CFAP61: variants seen among roughly 807,000 people sequenced by gnomAD.
The protein encoded by CFAP61 is cilia- and flagella-associated protein 61.
Under a neutral mutation model 135.6 loss-of-function variants are expected in CFAP61, and 107 were observed. That is an observed-to-expected ratio of 0.79 (90% CI 0.67 to 0.93). The LOEUF (loss-of-function observed/expected upper bound fraction) is 0.93. Ranked by LOEUF, CFAP61 falls within the 40% of genes least tolerant of loss-of-function variation. The pLI is 0.00. For synonymous variants in CFAP61, 575 were observed against 578.5 expected (o/e 0.99, Z 0.09); for missense variants, 1,507 against 1,556.2 (o/e 0.97, Z 0.53).
intron 8 of CFAP61, among the ~76,000 whole-genome samples, chr20:20,141,079 C>T (rs113893936): frequency 3.3e-5 from 5 of 151,900 alleles, no homozygotes; most frequent in African/African-American, 7.3e-5. Flanking sequence ...CCACCATGCC[C>T]GGCTATGTTT....
At chr20:20,245,965 G>A (rs1282352584) in intron 18 of CFAP61, 152 bp from the exon 19 acceptor site, 1 of 595,488 alleles carries the variant, frequency 1.7e-6, no homozygotes, top group Admixed American at 3.1e-5. Flanking sequence ...TGAAATGGTT[G>A]GTTCTATCTG....
chr20:20,319,889 G>A (rs1167805813), intron 25 of CFAP61, among the ~76,000 whole-genome samples: 3 of 152,106 alleles, frequency 2.0e-5, no homozygotes, highest in Non-Finnish European at 4.4e-5. Context: ...AGAAAAGGAG[G>A]CAGCCAGACC....
intron 8 of CFAP61, among the ~76,000 whole-genome samples, chr20:20,125,357 G>T (rs2049989144): frequency 6.6e-6 from 1 of 151,626 alleles, no homozygotes; most frequent in Non-Finnish European, 1.5e-5. Context: ...GGTGTTTAAG[G>T]CTATGAACTT....
chr20:20,084,308 A>T (rs1192260346), intron 6 of CFAP61, among the ~76,000 whole-genome samples: 2 of 152,222 alleles, frequency 1.3e-5, no homozygotes, highest in African/African-American at 2.4e-5. Flanking sequence ...TACATTTTAA[A>T]GTCCAGCTTT....
At chr20:20,269,164 C>CACACACACATATAT (rs372986717) in intron 21 of CFAP61, among the ~76,000 whole-genome samples, 1 of 112,548 alleles carries the variant, frequency 8.9e-6, no homozygotes, top group East Asian at 2.1e-4. Context: ...CACACACACA[C>CACACACACATATAT]ATACATATAT....
intron 8 of CFAP61, among the ~76,000 whole-genome samples, chr20:20,128,211 C>T (rs1220828296): frequency 6.6e-6 from 1 of 151,704 alleles, no homozygotes; most frequent in African/African-American, 2.4e-5. Flanking sequence ...GGCTTCTCAC[C>T]ACCAGTTCAA....
At chr20:20,332,409 G>A (rs1022482915) in intron 25 of CFAP61, among the ~76,000 whole-genome samples, 7 of 152,174 alleles carry the variant, frequency 4.6e-5, no homozygotes, top group African/African-American at 9.7e-5. Flanking sequence ...TAATTCCGGG[G>A]CCACTTTTCC....
intron 17 of CFAP61, among the ~76,000 whole-genome samples, chr20:20,206,784 C>T (rs1440977040): frequency 1.3e-5 from 2 of 151,562 alleles, no homozygotes; most frequent in Non-Finnish European, 2.9e-5. Context: ...ATTTGGGGGG[C>T]GGTGTCTATA....
At chr20:20,312,879 A>AC (rs766506126) in intron 25 of CFAP61, among the ~76,000 whole-genome samples, 62 of 151,940 alleles carry the variant, frequency 4.1e-4, no homozygotes, top group African/African-American at 1.3e-3. Flanking sequence ...AACATGGCAT[A>AC]CCCCCCCATA....
chr20:20,193,794 A>G (rs1009236755), intron 15 of CFAP61, among the ~76,000 whole-genome samples: 1 of 152,038 alleles, frequency 6.6e-6, no homozygotes, highest in African/African-American at 2.4e-5. Flanking sequence ...TTGTATTTTT[A>G]GTAGAGATGG....
At chr20:20,358,362 A>G (rs1481414391) in intron 26 of CFAP61, among the ~76,000 whole-genome samples, 3 of 152,200 alleles carry the variant, frequency 2.0e-5, no homozygotes, top group Non-Finnish European at 4.4e-5. Flanking sequence ...TTTATAATCT[A>G]GAGCAATATT....
chr20:20,120,470 C>T (rs897742899), intron 8 of CFAP61, among the ~76,000 whole-genome samples: 1 of 151,950 alleles, frequency 6.6e-6, no homozygotes, highest in Non-Finnish European at 1.5e-5. Flanking sequence ...TAGTTTTATT[C>T]CATTGTGGTC....
chr20:20,119,945 A>T (rs1189274790), intron 8 of CFAP61, among the ~76,000 whole-genome samples: 1 of 152,164 alleles, frequency 6.6e-6, no homozygotes, highest in Non-Finnish European at 1.5e-5. Context: ...ATCCAGCTCC[A>T]TGTTCCTGCA....
chr20:20,342,953 C>G (rs1423488022), intron 26 of CFAP61, among the ~76,000 whole-genome samples: 1 of 151,908 alleles, frequency 6.6e-6, no homozygotes, highest in African/African-American at 2.4e-5. Context: ...CTCTGCCTCT[C>G]AGGTTCAAGC....
intron 2 of CFAP61, among the ~76,000 whole-genome samples, chr20:20,061,722 A>G (rs561626381): frequency 6.6e-6 from 1 of 152,324 alleles, no homozygotes; most frequent in African/African-American, 2.4e-5. Context: ...TGTGTTCCCC[A>G]TGCCTTTTTG....
chr20:20,098,815 G>T lies in CFAP61; in HGVS notation c.859+1G>T. The T allele has an allele frequency of 1.2e-6, 2 of 1,609,400 alleles. No individual in the cohort carries two copies. Among genetic ancestry groups the T allele is most frequent in the Non-Finnish European group, 1.7e-6 (2 of 1,178,378 alleles). ...GACCTAAGTGTCCGAAGAAGTCAAG[G>T]TACAGTGGCTATCACAGGGACACAC... is the stretch of plus-strand genomic sequence containing the variant. On this transcript the variant is annotated splice_donor_variant, in intron 8 of 26. Coordinates refer to ENST00000245957, the MANE Select transcript of CFAP61 (RefSeq NM_015585.4). LOFTEE classifies it high-confidence loss of function.
At chr20:20,126,569 TCTG>T (rs2050080861) in intron 8 of CFAP61, among the ~76,000 whole-genome samples, 1 of 151,948 alleles carries the variant, frequency 6.6e-6, no homozygotes, top group African/African-American at 2.4e-5. Context: ...TTATAGGGTT[TCTG>T]CTGAGAAATC....
chr20:20,143,902 T>C (rs989188689), intron 9 of CFAP61, among the ~76,000 whole-genome samples: 4 of 152,108 alleles, frequency 2.6e-5, no homozygotes, highest in Admixed American at 2.6e-4. Context: ...GAAAAGAACC[T>C]CTGAAAAGGA....
chr20:20,262,954 A>C lies in CFAP61; in HGVS notation c.2329-2A>C. On this transcript the variant is annotated splice_acceptor_variant, in intron 20 of 26. Coordinates refer to ENST00000245957, the MANE Select transcript of CFAP61 (RefSeq NM_015585.4). LOFTEE classifies it high-confidence loss of function. ...AATAAGCATTTCTCTAACATGCTTC[A>C]GGTCCCATGCCCTACAGAGGCTGAT... 6.2e-7 allele frequency: 1 copy of C among 1,603,784 alleles called. No individual in the cohort carries two copies. Among genetic ancestry groups the C allele is most frequent in the Non-Finnish European group, 8.5e-7 (1 of 1,174,214 alleles).
Sources: allele counts gnomAD v4.1 joint callset (sites outside exome capture counted in the v4.1 genomes callset), GRCh38; gene constraint gnomAD v4.1.1; transcripts MANE v1.5; gene names NCBI Gene and HGNC (gene_info 2026-07-23, HGNC 2026-07-21).